The following ALK variants were observed in gnomAD, a reference collection of about 807,000 sequenced individuals.
The protein encoded by ALK is ALK receptor tyrosine kinase.
ALK carries 74 observed loss-of-function variants against 163.1 expected under a neutral mutation model. That is an observed-to-expected ratio of 0.45 (90% CI 0.38 to 0.55). The LOEUF is 0.55. Ranked by LOEUF, ALK falls within the 20% of genes least tolerant of loss-of-function variation. ALK has a pLI of 0.00. For synonymous variants in ALK, 960 were observed against 843.2 expected (o/e 1.14, Z -2.40); for missense variants, 2,063 against 2,105.3 (o/e 0.98, Z 0.39).
At chr2:29,752,105 C>T (rs937893751) in intron 1 of ALK, among the ~76,000 whole-genome samples, 5 of 152,194 alleles carry the variant, frequency 3.3e-5, no homozygotes, top group Admixed American at 3.3e-4. Context: ...GATGGCATAA[C>T]TTAATGATCT....
intron 1 of ALK, among the ~76,000 whole-genome samples, chr2:29,760,516 A>G (rs76498448): frequency 0.039 from 5,868 of 152,178 alleles, 176 homozygotes; most frequent in Middle Eastern, 0.071. Flanking sequence ...GTAGAACCTC[A>G]CTAAGGTCCA....
intron 5 of ALK, among the ~76,000 whole-genome samples, chr2:29,357,629 C>T (rs548478548): frequency 2.6e-5 from 4 of 152,148 alleles, no homozygotes; most frequent in Non-Finnish European, 5.9e-5. Context: ...AACCTGAGGC[C>T]CCATCTCCCC....
At chr2:29,507,258 G>C (rs1558356632) in intron 4 of ALK, among the ~76,000 whole-genome samples, 2 of 152,210 alleles carry the variant, frequency 1.3e-5, no homozygotes, top group East Asian at 3.8e-4. Context: ...ATTATGCTAA[G>C]TGAAATGTCA....
At position 29,225,707 on chromosome 2, in the gene ALK, T is replaced by G. The variant is rs1663961027; in HGVS notation, c.3068-142A>C. On this transcript the variant is annotated intron_variant, in intron 18 of 28. Coordinates refer to ENST00000389048, the MANE Select transcript of ALK (RefSeq NM_004304.5). ...TGGAGACCTTGTCACACTTTTCTTT[T>G]CAGGGGACCATGAGCAGGACCAGAC... 3 of 728,880 alleles carry G rather than the reference T, an allele frequency of 4.1e-6. No individual in the cohort carries two copies. In the Admixed American group the frequency reaches 6.3e-5, roughly 15 times the overall value. 45.2% of individuals were successfully genotyped at this position (728,880 alleles called of 1,614,324 possible). A position where few individuals can be genotyped will look rare whatever the true frequency, so the allele number is the denominator to read the frequency against.
chr2:29,829,575 C>G (rs749918468), intron 1 of ALK, among the ~76,000 whole-genome samples: 1 of 152,030 alleles, frequency 6.6e-6, no homozygotes, highest in South Asian at 2.1e-4. Context: ...TTCAGAGGAC[C>G]AATTATTTAG....
chr2:29,217,765 TGGGAGTATC>T (rs918575686), intron 23 of ALK, among the ~76,000 whole-genome samples: 1 of 152,134 alleles, frequency 6.6e-6, no homozygotes, highest in African/African-American at 2.4e-5. Context: ...AGGGAACCCC[TGGGAGTATC>T]AGGAGTATCA....
chr2:29,268,630 A>C (rs1329662620), intron 11 of ALK, among the ~76,000 whole-genome samples: 2 of 152,198 alleles, frequency 1.3e-5, no homozygotes, highest in African/African-American at 2.4e-5. Context: ...TGTTGTCTGC[A>C]TTGGGCGCTG....
chr2:29,724,187 G>T (rs1388078945), intron 1 of ALK, among the ~76,000 whole-genome samples: 2 of 152,160 alleles, frequency 1.3e-5, no homozygotes, highest in Non-Finnish European at 2.9e-5. Flanking sequence ...TGTAACAAAT[G>T]CTCCTATTCT....
rs577062881 is a variant in ALK at position 29,803,931 on chromosome 2, A to G, written c.668-86234T>C. ...AACAAACAACTTAGGCTGAGAATAA[A>G]TTAACCTCCCCCAAGCAACAGTGGT... On this transcript the variant is annotated intron_variant, in intron 1 of 28. Coordinates refer to ENST00000389048, the MANE Select transcript of ALK (RefSeq NM_004304.5). Among the ~76,000 whole-genome samples, 11 of 152,308 alleles carry G rather than the reference A, an allele frequency of 7.2e-5. No homozygotes were observed. In the East Asian group the frequency reaches 1.5e-3, roughly 21 times the overall value.
Position 29,572,485 on chromosome 2 carries a change from C to T in ALK, c.953-40369G>A, listed in dbSNP as rs980018566. Among the ~76,000 whole-genome samples, 17 of 152,128 alleles carry T rather than the reference C, an allele frequency of 1.1e-4. 1 individual carries two copies. The highest frequency in any genetic ancestry group is 9.2e-4 in the Admixed American group (14 of 15,272). Reference sequence around the variant, plus strand: ...CACGCCTGGCTCTCTTGTGCCATGGCGACTTGTCACTTGCCCTGCATGCCT... The same window carrying T: ...CACGCCTGGCTCTCTTGTGCCATGGTGACTTGTCACTTGCCCTGCATGCCT... On this transcript the variant is annotated intron_variant, in intron 3 of 28. Coordinates refer to ENST00000389048, the MANE Select transcript of ALK (RefSeq NM_004304.5).
rs572268824 is a variant in ALK, at chr2:29,334,231, A to G, written c.1283-5750T>C. Among the ~76,000 whole-genome samples the G allele has an allele frequency of 4.6e-5, 7 of 152,252 alleles. No individual in the cohort carries two copies. In the East Asian group the frequency reaches 1.2e-3, roughly 25 times the overall value. On this transcript the variant is annotated intron_variant, in intron 5 of 28. Coordinates refer to ENST00000389048, the MANE Select transcript of ALK (RefSeq NM_004304.5). ...GCTACATATCATTACTATGGCTTGT[A>G]TGCCTGACTTCCTCATCCAGCTGCA...
intron 5 of ALK, among the ~76,000 whole-genome samples, chr2:29,339,323 G>GA (rs1251354341): frequency 6.6e-6 from 1 of 152,076 alleles, no homozygotes; most frequent in African/African-American, 2.4e-5. Flanking sequence ...AATCAGCCAT[G>GA]AAAAAGGCTG....
At chr2:29,444,960 G>A (rs577823787) in intron 4 of ALK, among the ~76,000 whole-genome samples, 17 of 152,278 alleles carry the variant, frequency 1.1e-4, no homozygotes, top group African/African-American at 3.4e-4. Context: ...TTACAGGTGC[G>A]TGACTGAAGA....
At chr2:29,751,395 C>T (rs565075385) in intron 1 of ALK, among the ~76,000 whole-genome samples, 3 of 152,222 alleles carry the variant, frequency 2.0e-5, no homozygotes, top group South Asian at 2.1e-4. Context: ...CTTATGAGAC[C>T]GCTGATGTAT....
At chr2:29,891,412 G>A (rs1667141921) in intron 1 of ALK, among the ~76,000 whole-genome samples, 2 of 152,136 alleles carry the variant, frequency 1.3e-5, no homozygotes, top group South Asian at 2.1e-4. Flanking sequence ...GTAACACTAT[G>A]CATCTTAAAT....
rs1346029682 is a variant in ALK, at chr2:29,921,563, C to T, written c.-904G>A. On this transcript the variant is annotated 5_prime_UTR_variant, in exon 1 of 29. Transcript: ENST00000389048. ...TACCAGCTGCTACCACCGCTGCCGCCCCCAGAGCCGCTGGATCGCATCTGC... is the reference window on the plus strand; with the variant it reads ...TACCAGCTGCTACCACCGCTGCCGCTCCCAGAGCCGCTGGATCGCATCTGC... 4.3e-6 allele frequency: 1 copy of T among 231,178 alleles called. No individual in the cohort carries two copies. Among genetic ancestry groups the T allele is most frequent in the Non-Finnish European group, 8.6e-6 (1 of 116,676 alleles). 14.3% of individuals were successfully genotyped at this position (231,178 alleles called of 1,614,324 possible). A position where few individuals can be genotyped will look rare whatever the true frequency, so the allele number is the denominator to read the frequency against.
intron 3 of ALK, among the ~76,000 whole-genome samples, chr2:29,662,234 T>C (rs1489836999): frequency 6.6e-6 from 1 of 152,130 alleles, no homozygotes; most frequent in African/African-American, 2.4e-5. Context: ...TTAATACATA[T>C]GTAACTAAAA....
intron 1 of ALK, among the ~76,000 whole-genome samples, chr2:29,848,830 T>C (rs2148399410): frequency 6.6e-6 from 1 of 152,224 alleles, no homozygotes; most frequent in South Asian, 2.1e-4. Flanking sequence ...TCACATAGAA[T>C]GCACAAGTCA....
chr2:29,777,118 GC>G, intron 1 of ALK, among the ~76,000 whole-genome samples: 1 of 152,314 alleles, frequency 6.6e-6, no homozygotes, highest in Middle Eastern at 3.4e-3. Flanking sequence ...CTGAGTATGT[GC>G]TTAGGGAGGG....
Sources: gnomAD v4.1 joint callset for allele counts (sites outside exome capture counted in the v4.1 genomes callset) on GRCh38, gnomAD v4.1.1 for gene constraint, MANE v1.5 for transcripts, NCBI Gene and HGNC (gene_info 2026-07-23, HGNC 2026-07-21) for gene names.